The following SIAH2 variants were observed in gnomAD, a reference collection of about 807,000 sequenced individuals.
SIAH2 encodes the protein E3 ubiquitin-protein ligase SIAH2.
SIAH2 carries 4 observed loss-of-function variants against 20.4 expected under a neutral mutation model. The observed-to-expected ratio is 0.20, with a 90% CI of 0.10 to 0.45. The LOEUF is 0.45. SIAH2 is among the 20% of genes least tolerant of loss of function. The probability of loss-of-function intolerance (pLI) is 0.99; values close to 1 mark genes in which losing one functional copy is unlikely to be tolerated. For synonymous variants in SIAH2, 171 were observed against 192.5 expected, an observed-to-expected ratio of 0.89 and a Z score of 0.93; for missense variants, 259 against 440.3, an observed-to-expected ratio of 0.59 and a Z score of 3.69.
intron 1 of SIAH2, among the ~76,000 whole-genome samples, chr3:150,746,580 T>G (rs925465351): frequency 6.6e-6 from 1 of 152,154 alleles, no homozygotes; most frequent in South Asian, 2.1e-4. Context: ...TGGTCTCTAT[T>G]CATTAGATGC....
At chr3:150,756,715 A>T (rs1714492646) in intron 1 of SIAH2, among the ~76,000 whole-genome samples, 1 of 152,238 alleles carries the variant, frequency 6.6e-6, no homozygotes, top group African/African-American at 2.4e-5. Flanking sequence ...GTACTGCCAT[A>T]TAGTATTCTA....
At chr3:150,760,089 C>T (rs968168543) in intron 1 of SIAH2, among the ~76,000 whole-genome samples, 2 of 152,168 alleles carry the variant, frequency 1.3e-5, no homozygotes, top group African/African-American at 4.8e-5. Flanking sequence ...ACAGGCCTTA[C>T]GGCTCTCTGT....
chr3:150,742,304 C>T lies in SIAH2; in HGVS notation c.812G>A (p.Arg271Gln), dbSNP rs145365521. 27 of 1,614,028 alleles carry T rather than the reference C, an allele frequency of 1.7e-5. No homozygotes were observed. Among genetic ancestry groups the T allele is most frequent in the East Asian group, 4.5e-5 (2 of 44,896 alleles). The change falls in exon 2 of 2, where the codon CGG becomes CAG. Residue 271 changes from arginine to glutamine, a missense_variant. Arg to Gln is a conservative substitution (Grantham distance 43, BLOSUM62 1). This residue lies in a region of SIAH2 where 160 missense variants were observed against 327.6 expected (regional missense o/e 0.49). Coordinates refer to ENST00000312960, the MANE Select transcript of SIAH2 (RefSeq NM_005067.7). This position sits in a 1 kb window ranked among gnomAD's most constrained non-coding sequence, Gnocchi z 4.8. ...CGTGGCCTCCCAGGTCAATCTCCGC[C>T]GGTTCCCATTCAACTCCAGTCTGTA... ...FAYRLELNGN[R>Q]RRLTWEATPR... is the part of the protein sequence containing the mutation.
At chr3:150,755,164 A>C (rs1714456922) in intron 1 of SIAH2, among the ~76,000 whole-genome samples, 1 of 152,032 alleles carries the variant, frequency 6.6e-6, no homozygotes, top group African/African-American at 2.4e-5. Context: ...TGGGATTTGG[A>C]CCAGGCCAGA....
At chr3:150,748,963 T>G (rs1714289380) in intron 1 of SIAH2, among the ~76,000 whole-genome samples, 1 of 152,204 alleles carries the variant, frequency 6.6e-6, no homozygotes, top group South Asian at 2.1e-4. Flanking sequence ...CTGATTTTGA[T>G]AACTGTGCTA....
chr3:150,761,880 T>G (rs1714621041), intron 1 of SIAH2: 1 of 153,470 alleles, frequency 6.5e-6, no homozygotes, highest in African/African-American at 2.4e-5. Flanking sequence ...GAAAAAGGCG[T>G]GGCTTGCAGG....
intron 1 of SIAH2, among the ~76,000 whole-genome samples, chr3:150,745,582 G>A (rs1174787804): frequency 2.6e-5 from 4 of 151,416 alleles, no homozygotes; most frequent in Non-Finnish European, 1.5e-5. Context: ...TGCAAGCTCC[G>A]CCTCCCGGGT....
In SIAH2 at chr3:150,741,485, C is replaced by T. The variant is rs1203096704; in HGVS notation, c.*656G>A. On this transcript the variant is annotated 3_prime_UTR_variant, in exon 2 of 2. Transcript: ENST00000312960. Reference sequence around the variant, plus strand: ...GGTTGGGGGAAGTTAGGGGATGAAACAGTAGAAAGACAAACAGTATCGGCA... The same window carrying T: ...GGTTGGGGGAAGTTAGGGGATGAAATAGTAGAAAGACAAACAGTATCGGCA... 6.6e-6 allele frequency: 1 copy of T among 152,474 alleles called. No homozygotes were observed. The highest frequency in any genetic ancestry group is 1.5e-5 in the Non-Finnish European group (1 of 68,032). The allele number at this position is 152,474 out of a possible 1,614,324, so 9.4% of individuals were successfully genotyped here. A position where few individuals can be genotyped will look rare whatever the true frequency, so the allele number is the denominator to read the frequency against.
intron 1 of SIAH2, among the ~76,000 whole-genome samples, chr3:150,751,999 T>C (rs1714380434): frequency 6.6e-6 from 1 of 152,248 alleles, no homozygotes; most frequent in Admixed American, 6.5e-5. Flanking sequence ...TTTGACCATG[T>C]ATGTTTCTCA....
intron 1 of SIAH2, among the ~76,000 whole-genome samples, chr3:150,743,485 C>G (rs369018027): frequency 1.2e-4 from 18 of 152,258 alleles, no homozygotes; most frequent in African/African-American, 4.1e-4. Context: ...GCTTGCTGAC[C>G]CCCAACACTT....
At chr3:150,755,133 C>G (rs1714456244) in intron 1 of SIAH2, among the ~76,000 whole-genome samples, 1 of 151,930 alleles carries the variant, frequency 6.6e-6, no homozygotes, top group African/African-American at 2.4e-5. Flanking sequence ...GGTCACCAGC[C>G]AGTCACAGTG....
rs1408649545 is a variant in SIAH2, at chr3:150,762,627, T to C, written c.223A>G (p.Thr75Ala). 1.2e-6 allele frequency: 2 copies of C among 1,608,766 alleles called. No individual in the cohort carries two copies. The highest frequency in any genetic ancestry group is 1.7e-6 in the Non-Finnish European group (2 of 1,178,480). ...CAGACCGGACACTCGAAGAGCGAGG[T>C]CAGCTCGTGGTGCTGCGGGGACACC... Reference protein sequence around the residue: ...GPVSPQHHELTSLFECPVCFD... With the variant: ...GPVSPQHHELASLFECPVCFD... The change falls in exon 1 of 2, where the codon ACC (threonine) becomes GCC (alanine). Residue 75 changes from threonine to alanine, a missense_variant. Thr to Ala is a moderately conservative substitution (Grantham distance 58, BLOSUM62 0). This residue lies in a region of SIAH2 where 99 missense variants were observed against 112.7 expected (regional missense o/e 0.88). Transcript: ENST00000312960. This position sits in a 1 kb window ranked among gnomAD's most constrained non-coding sequence, Gnocchi z 6.6.
At chr3:150,746,603 C>G (rs1714219465) in intron 1 of SIAH2, among the ~76,000 whole-genome samples, 1 of 152,180 alleles carries the variant, frequency 6.6e-6, no homozygotes, top group Non-Finnish European at 1.5e-5. Flanking sequence ...ATAGCAACCA[C>G]CCCCTGCCCC....
chr3:150,762,841 G>A lies in SIAH2; in HGVS notation c.9C>T (p.Arg3=). MS[R]PSSTGPSANK... ...TAGCGCTGGGGCCGGTGGAGGACGGGCGGCTCATCGCGCTCCGAACCAACC... is the reference window on the plus strand; with the variant it reads ...TAGCGCTGGGGCCGGTGGAGGACGGACGGCTCATCGCGCTCCGAACCAACC... The change falls in exon 1 of 2, where the codon CGC becomes CGT. Residue 3 remains arginine, a synonymous_variant. Transcript: ENST00000312960. This position sits in a 1 kb window ranked among gnomAD's most constrained non-coding sequence, Gnocchi z 6.6. 8.3e-7 allele frequency: 1 copy of A among 1,210,332 alleles called. No individual in the cohort carries two copies. The highest frequency in any genetic ancestry group is 3.5e-5 in the South Asian group (1 of 28,740). 75.0% of individuals were successfully genotyped at this position (1,210,332 alleles called of 1,614,324 possible). A position where few individuals can be genotyped will look rare whatever the true frequency, so the allele number is the denominator to read the frequency against.
chr3:150,752,854 G>A (rs1159257160), intron 1 of SIAH2, among the ~76,000 whole-genome samples: 4 of 152,166 alleles, frequency 2.6e-5, no homozygotes, highest in Non-Finnish European at 4.4e-5. Context: ...CCTCAGAAGG[G>A]TAGAGTGGGC....
chr3:150,759,450 G>A (rs1714557536), intron 1 of SIAH2, among the ~76,000 whole-genome samples: 1 of 152,078 alleles, frequency 6.6e-6, no homozygotes, highest in African/African-American at 2.4e-5. Context: ...TTTTGGGATG[G>A]TCCCATAAGA....
At chr3:150,751,400 G>C (rs1425125850) in intron 1 of SIAH2, among the ~76,000 whole-genome samples, 1 of 151,590 alleles carries the variant, frequency 6.6e-6, no homozygotes. Context: ...CTCCAGCCTG[G>C]GTGACAGAGA....
At position 150,762,651 on chromosome 3, in the gene SIAH2, C is replaced by G. The variant is rs1361715103; in HGVS notation, c.199G>C (p.Val67Leu). ...GPGGGGGAGP[V>L]SPQHHELTSL... The stretch of plus-strand genomic sequence containing the variant: ...GTCAGCTCGTGGTGCTGCGGGGACA[C>G]CGGGCCGGCCCCGCCGCCGCCGCCG... Residue 67 changes from valine (V) to leucine (L), a missense_variant, in exon 1 of 2, where the codon GTG becomes CTG. Physicochemically the swap from Val to Leu is conservative, Grantham distance 32. Coordinates refer to ENST00000312960, the MANE Select transcript of SIAH2 (RefSeq NM_005067.7). The surrounding 1 kb of genome is among the most constrained non-coding windows in gnomAD (Gnocchi z 6.6). 2.0e-6 allele frequency: 3 copies of G among 1,512,424 alleles called. No individual in the cohort carries two copies. Among genetic ancestry groups the G allele is most frequent in the East Asian group, 5.5e-5 (2 of 36,274 alleles). The allele number at this position is 1,512,424 out of a possible 1,614,324, so 93.7% of individuals were successfully genotyped here. A position where few individuals can be genotyped will look rare whatever the true frequency, so the allele number is the denominator to read the frequency against.
chr3:150,745,166 T>C (rs1212398606), intron 1 of SIAH2, among the ~76,000 whole-genome samples: 1 of 151,968 alleles, frequency 6.6e-6, no homozygotes, highest in Non-Finnish European at 1.5e-5. Flanking sequence ...TCTCTTTCCA[T>C]CATGGGTAAG....
Sources: gnomAD v4.1 joint callset for allele counts (sites outside exome capture counted in the v4.1 genomes callset) on GRCh38, gnomAD v4.1.1 for gene constraint, gnomAD v4.1.1 regional missense constraint, Gnocchi (gnomAD v3.1) non-coding constraint, MANE v1.5 for transcripts, NCBI Gene and HGNC (gene_info 2026-07-23, HGNC 2026-07-21) for gene names.